ARB2A: variants seen among roughly 807,000 people sequenced by gnomAD.
ARB2A encodes the protein ARB2 cotranscriptional regulator A, also known as cotranscriptional regulator ARB2A.
chr5:93,755,000 T>C, the ARB2A span, among the ~76,000 whole-genome samples: 1 of 152,060 alleles, frequency 6.6e-6, no homozygotes, highest in Non-Finnish European at 1.5e-5. Context: ...AACAGGAAAA[T>C]GAGAGTATTT....
At chr5:93,740,356 A>C in the ARB2A span, 1 of 536,228 alleles carries the variant, frequency 1.9e-6, no homozygotes, top group African/African-American at 1.9e-5. Flanking sequence ...ATGCTAGGGA[A>C]AAACAAAGGG....
At chr5:93,750,853 C>A in the ARB2A span, among the ~76,000 whole-genome samples, 14 of 152,062 alleles carry the variant, frequency 9.2e-5, no homozygotes, top group African/African-American at 3.4e-4. Context: ...ATTTAATCAC[C>A]TTCTATCTGG....
chr5:94,053,399 G>A, the ARB2A span, among the ~76,000 whole-genome samples: 1 of 152,068 alleles, frequency 6.6e-6, no homozygotes, highest in East Asian at 1.9e-4. Context: ...ATCAAGCACA[G>A]TATTAACATA....
chr5:94,099,519 G>T, the ARB2A span, among the ~76,000 whole-genome samples: 2 of 148,820 alleles, frequency 1.3e-5, no homozygotes, highest in Admixed American at 1.3e-4. Flanking sequence ...AGCTACTCGG[G>T]ATGCTGAGGC....
At chr5:93,683,583 T>A in the ARB2A span, 1 of 1,460,514 alleles carries the variant, frequency 6.8e-7, no homozygotes, top group Admixed American at 1.7e-5. Context: ...AACTGGCCGT[T>A]CTTAAGGATA....
the ARB2A span, among the ~76,000 whole-genome samples, chr5:93,755,104 A>G: frequency 6.6e-6 from 1 of 152,238 alleles, no homozygotes; most frequent in Non-Finnish European, 1.5e-5. Context: ...GGGAGTATAT[A>G]GTACCATGTG....
the ARB2A span, among the ~76,000 whole-genome samples, chr5:94,026,839 T>G: frequency 6.6e-6 from 1 of 152,196 alleles, no homozygotes; most frequent in African/African-American, 2.4e-5. Context: ...CATGTTGTTA[T>G]CAATAGCCCA....
chr5:93,732,998 C>T, the ARB2A span, among the ~76,000 whole-genome samples: 1 of 152,178 alleles, frequency 6.6e-6, no homozygotes, highest in Admixed American at 6.5e-5. Context: ...CTTCATTCAA[C>T]AATTAACTCT....
the ARB2A span, among the ~76,000 whole-genome samples, chr5:93,755,646 G>C: frequency 6.6e-6 from 1 of 152,196 alleles, no homozygotes; most frequent in African/African-American, 2.4e-5. Context: ...TGCTGGAGAA[G>C]TTTCCAACCT....
At chr5:93,806,263 T>C in the ARB2A span, among the ~76,000 whole-genome samples, 1 of 152,118 alleles carries the variant, frequency 6.6e-6, no homozygotes, top group South Asian at 2.1e-4. Flanking sequence ...AATACTTTTA[T>C]ATGCCTTTTT....
At chr5:93,824,058 A>G in the ARB2A span, 1 of 1,091,280 alleles carries the variant, frequency 9.2e-7, no homozygotes, top group African/African-American at 1.6e-5. Context: ...TTATAACATA[A>G]CTTAAAGAGT....
At chr5:93,635,149 A>T in the ARB2A span, among the ~76,000 whole-genome samples, 1 of 152,198 alleles carries the variant, frequency 6.6e-6, no homozygotes, top group South Asian at 2.1e-4. Context: ...AATGCAAAGA[A>T]CCATAAAAGA....
the ARB2A span, among the ~76,000 whole-genome samples, chr5:94,073,455 T>C: frequency 6.6e-6 from 1 of 152,026 alleles, no homozygotes; most frequent in East Asian, 1.9e-4. Flanking sequence ...AAGGAAAACC[T>C]TGAATTTGAA....
chr5:93,666,212 C>T, the ARB2A span, among the ~76,000 whole-genome samples: 2 of 152,256 alleles, frequency 1.3e-5, no homozygotes, highest in African/African-American at 4.8e-5. Flanking sequence ...AGACTTCAAC[C>T]TTCATTTTAA....
At chr5:93,997,101 T>A in the ARB2A span, among the ~76,000 whole-genome samples, 8 of 152,144 alleles carry the variant, frequency 5.3e-5, no homozygotes, top group East Asian at 1.3e-3. Context: ...ACTAAAACTT[T>A]CACCTCTAGT....
the ARB2A span, among the ~76,000 whole-genome samples, chr5:93,984,758 C>A: frequency 6.6e-6 from 1 of 152,152 alleles, no homozygotes; most frequent in Non-Finnish European, 1.5e-5. Context: ...TTCATTGTAG[C>A]ATAAACCACA....
chr5:93,684,515 TTAAA>T, the ARB2A span, among the ~76,000 whole-genome samples: 4 of 152,208 alleles, frequency 2.6e-5, no homozygotes, highest in Admixed American at 6.5e-5. Flanking sequence ...TAAAAATTTG[TTAAA>T]TAGAGAAATG....
At chr5:93,787,280 AT>A in the ARB2A span, among the ~76,000 whole-genome samples, 1 of 152,136 alleles carries the variant, frequency 6.6e-6, no homozygotes, top group African/African-American at 2.4e-5. Flanking sequence ...CATCCATACC[AT>A]TTTTGTTATA....
At chr5:93,892,288 C>T in the ARB2A span, among the ~76,000 whole-genome samples, 1 of 152,244 alleles carries the variant, frequency 6.6e-6, no homozygotes, top group Admixed American at 6.5e-5. Flanking sequence ...TCAAACAATG[C>T]TCCGAACTGC....
Sources: allele counts gnomAD v4.1 joint callset (sites outside exome capture counted in the v4.1 genomes callset), GRCh38; gene constraint gnomAD v4.1.1; transcripts MANE v1.5; gene names NCBI Gene and HGNC (gene_info 2026-07-23, HGNC 2026-07-21).